The following EXOC4 variants were observed in gnomAD, a reference collection of about 807,000 sequenced individuals.
EXOC4 encodes the protein SEC8-like 1.
In EXOC4, 71 loss-of-function variants were observed where a neutral mutation model predicts 107.2. That is an observed-to-expected ratio of 0.66 (90% CI 0.55 to 0.81). EXOC4 has a LOEUF of 0.81. EXOC4 is among the 30% of genes least tolerant of loss of function. The pLI, the probability that EXOC4 is intolerant of heterozygous loss-of-function variation, is 0.00. For synonymous variants in EXOC4, 456 were observed against 441.2 expected (o/e 1.03, Z -0.42); for missense variants, 1,108 against 1,189.6 (o/e 0.93, Z 1.01).
the EXOC4 span, among the ~76,000 whole-genome samples, chr7:134,094,844 C>T: frequency 3.0e-3 from 451 of 152,096 alleles, no homozygotes; most frequent in African/African-American, 0.01. Flanking sequence ...ATGACAAACT[C>T]GCAGCAAACA....
intron 9 of EXOC4, among the ~76,000 whole-genome samples, chr7:133,507,785 A>G (rs1441638034): frequency 1.3e-5 from 2 of 152,158 alleles, no homozygotes; most frequent in Non-Finnish European, 2.9e-5. Flanking sequence ...CTCTTCTGGT[A>G]AAATGAAAAA....
At chr7:133,300,146 G>C (rs946850215) in intron 3 of EXOC4, among the ~76,000 whole-genome samples, 1 of 152,108 alleles carries the variant, frequency 6.6e-6, no homozygotes, top group Non-Finnish European at 1.5e-5. Flanking sequence ...TTTTATCAGG[G>C]TGATTTAAGA....
At chr7:133,274,578 T>C (rs942340774) in intron 1 of EXOC4, among the ~76,000 whole-genome samples, 13 of 152,196 alleles carry the variant, frequency 8.5e-5, no homozygotes, top group South Asian at 2.1e-4. Context: ...AAGGCACCTT[T>C]TCTTGTTACT....
At chr7:134,072,515 G>T in the EXOC4 span, among the ~76,000 whole-genome samples, 11 of 152,130 alleles carry the variant, frequency 7.2e-5, no homozygotes, top group African/African-American at 2.7e-4. Context: ...AGGACCTGCT[G>T]CAGAGGGGAA....
chr7:134,024,103 C>CT (rs1795083393), intron 17 of EXOC4, among the ~76,000 whole-genome samples: 2 of 152,180 alleles, frequency 1.3e-5, no homozygotes, highest in African/African-American at 2.4e-5. Context: ...ATCAGTAGAG[C>CT]TCCTACCTAG....
chr7:133,740,162 C>T (rs1306601782), intron 10 of EXOC4, among the ~76,000 whole-genome samples: 1 of 152,054 alleles, frequency 6.6e-6, no homozygotes, highest in African/African-American at 2.4e-5. Context: ...GTAATACTTG[C>T]TACCCTCATA....
At chr7:133,303,906 A>G (rs1756436396) in intron 3 of EXOC4, among the ~76,000 whole-genome samples, 1 of 152,252 alleles carries the variant, frequency 6.6e-6, no homozygotes, top group South Asian at 2.1e-4. Flanking sequence ...ACTGTTAAAA[A>G]TAATTTCAGT....
rs549005963 is a variant in EXOC4, at chr7:133,440,301, C to T, written c.1183-35027C>T. ...GGAAAGTAAGGTACTGGAATCAATT[C>T]TGCATTTTTGTAAAAGCTCTCATTC... On this transcript the variant is annotated intron_variant, in intron 7 of 17. Coordinates refer to ENST00000253861, the MANE Select transcript of EXOC4 (RefSeq NM_021807.4). Among the ~76,000 whole-genome samples, 5 of 152,262 alleles carry T rather than the reference C, an allele frequency of 3.3e-5. No individual in the cohort carries two copies. In the East Asian group the frequency reaches 9.6e-4, roughly 29 times the overall value.
At chr7:133,855,114 A>AAAT (rs1798336705) in intron 11 of EXOC4, among the ~76,000 whole-genome samples, 10 of 91,494 alleles carry the variant, frequency 1.1e-4, no homozygotes, top group Admixed American at 7.2e-4. Flanking sequence ...AATATATATA[A>AAAT]ATATATATAT....
At chr7:133,826,751 G>C (rs571188133) in intron 11 of EXOC4, among the ~76,000 whole-genome samples, 28 of 152,132 alleles carry the variant, frequency 1.8e-4, no homozygotes, top group African/African-American at 6.3e-4. Context: ...TTACTGGTTT[G>C]TTTCATATAT....
intron 11 of EXOC4, among the ~76,000 whole-genome samples, chr7:133,885,312 C>CAAA (rs1325296000): frequency 2.2e-5 from 2 of 90,162 alleles, no homozygotes; most frequent in African/African-American, 4.0e-5. Context: ...GACCCCGTCT[C>CAAA]AAAAAAAAAA....
chr7:133,468,279 A>G (rs961081369), intron 7 of EXOC4, among the ~76,000 whole-genome samples: 26 of 152,182 alleles, frequency 1.7e-4, no homozygotes, highest in African/African-American at 5.5e-4. Context: ...GCCATTGACA[A>G]TGAGTATAAT....
chr7:133,836,038 G>A (rs976370655), intron 11 of EXOC4, among the ~76,000 whole-genome samples: 1 of 152,108 alleles, frequency 6.6e-6, no homozygotes, highest in South Asian at 2.1e-4. Context: ...TTTCAATTCT[G>A]TTTCCTTATT....
intron 11 of EXOC4, among the ~76,000 whole-genome samples, chr7:133,847,395 TTG>T (rs199546882): frequency 0.32 from 23,703 of 75,004 alleles, 2,352 homozygotes; most frequent in African/African-American, 0.44. Flanking sequence ...TTTTTTTTTT[TTG>T]GAGACTGAGT....
At chr7:133,715,118 A>T (rs1026271208) in intron 10 of EXOC4, among the ~76,000 whole-genome samples, 6 of 152,196 alleles carry the variant, frequency 3.9e-5, no homozygotes, top group African/African-American at 1.4e-4. Context: ...CAGAGAATGG[A>T]AACTGTGGGC....
chr7:133,913,239 A>T (rs1298428236), intron 12 of EXOC4, among the ~76,000 whole-genome samples: 1 of 152,222 alleles, frequency 6.6e-6, no homozygotes, highest in Admixed American at 6.5e-5. Flanking sequence ...ATAGCAGGAG[A>T]TAAAGCTGAA....
At chr7:133,923,351 A>T (rs2116662026) in intron 13 of EXOC4, among the ~76,000 whole-genome samples, 1 of 151,954 alleles carries the variant, frequency 6.6e-6, no homozygotes, top group Admixed American at 6.5e-5. Flanking sequence ...CTAGTCTCGA[A>T]CCTTGTGATC....
intron 10 of EXOC4, among the ~76,000 whole-genome samples, chr7:133,795,423 A>G (rs570135298): frequency 5.3e-5 from 8 of 152,196 alleles, no homozygotes; most frequent in Admixed American, 1.3e-4. Flanking sequence ...TTAAGGCCCC[A>G]AGAGTATTAC....
chr7:133,647,295 C>T (rs988169511), intron 10 of EXOC4, among the ~76,000 whole-genome samples: 1 of 152,060 alleles, frequency 6.6e-6, no homozygotes, highest in African/African-American at 2.4e-5. Flanking sequence ...CATTCTGGGT[C>T]ATTTGAAATT....
Sources: allele counts gnomAD v4.1 joint callset (sites outside exome capture counted in the v4.1 genomes callset), GRCh38; gene constraint gnomAD v4.1.1; transcripts MANE v1.5; gene names NCBI Gene and HGNC (gene_info 2026-07-23, HGNC 2026-07-21).